The following KCNH5 variants were observed in gnomAD, a reference collection of about 807,000 sequenced individuals.
The protein encoded by KCNH5 is voltage-gated delayed rectifier potassium channel KCNH5.
In KCNH5, 46 loss-of-function variants were observed where a neutral mutation model predicts 96.1. The ratio of observed to expected loss-of-function variants is 0.48; its 90% CI spans 0.38 to 0.61. KCNH5 has a LOEUF of 0.61. Ranked by LOEUF, KCNH5 falls within the 20% of genes least tolerant of loss-of-function variation. The pLI is 0.00. For synonymous variants in KCNH5, 439 were observed against 449.8 expected (o/e 0.98, Z 0.30); for missense variants, 907 against 1,225.8 (o/e 0.74, Z 3.88).
chr14:62,975,638 G>C (rs545514232), intron 6 of KCNH5, among the ~76,000 whole-genome samples: 18 of 152,182 alleles, frequency 1.2e-4, no homozygotes, highest in African/African-American at 4.3e-4. Flanking sequence ...GTCAAACACT[G>C]ATGTTAAAAA....
At chr14:62,772,763 A>T (rs1886017991) in intron 10 of KCNH5, among the ~76,000 whole-genome samples, 1 of 152,110 alleles carries the variant, frequency 6.6e-6, no homozygotes, top group Admixed American at 6.6e-5. Context: ...ATGCAGTATT[A>T]TCAGCAAGAC....
At chr14:62,715,156 T>C (rs150266242) in intron 10 of KCNH5, among the ~76,000 whole-genome samples, 1 of 152,242 alleles carries the variant, frequency 6.6e-6, no homozygotes, top group African/African-American at 2.4e-5. Context: ...AAAAGTGATA[T>C]CAAAATTGAA....
Position 62,704,550 on chromosome 14 carries a change from T to G in KCNH5, c.*2958A>C, listed in dbSNP as rs1036930805. On this transcript the variant is annotated 3_prime_UTR_variant, in exon 11 of 11. Transcript: ENST00000322893. ...TTCTAATTTGACTTTTGCTATTTTG[T>G]TACAACCACCTGTCGAGGATACAGC... The G allele has an allele frequency of 2.6e-5, 4 of 151,980 alleles. No homozygotes were observed. The highest frequency in any genetic ancestry group is 2.0e-4 in the Admixed American group (3 of 15,240). 9.4% of individuals were successfully genotyped at this position (151,980 alleles called of 1,614,324 possible). A position where few individuals can be genotyped will look rare whatever the true frequency, so the allele number is the denominator to read the frequency against.
At chr14:62,883,228 G>T (rs1301405917) in intron 7 of KCNH5, among the ~76,000 whole-genome samples, 5 of 152,152 alleles carry the variant, frequency 3.3e-5, no homozygotes, top group Admixed American at 3.3e-4. Flanking sequence ...AACTTTTTGA[G>T]TAAGAATTGG....
intron 7 of KCNH5, among the ~76,000 whole-genome samples, chr14:62,945,255 C>T (rs1453532560): frequency 2.6e-5 from 4 of 151,964 alleles, no homozygotes; most frequent in African/African-American, 4.8e-5. Flanking sequence ...ATCGATAGGC[C>T]GATAAGACAC....
chr14:62,873,016 G>T (rs1318670708), intron 7 of KCNH5, among the ~76,000 whole-genome samples: 1 of 152,010 alleles, frequency 6.6e-6, no homozygotes, highest in Non-Finnish European at 1.5e-5. Context: ...CAGGTGTGGT[G>T]GCGGGCGCCT....
intron 7 of KCNH5, among the ~76,000 whole-genome samples, chr14:62,880,489 C>A (rs1445738711): frequency 6.6e-6 from 1 of 152,138 alleles, no homozygotes; most frequent in Admixed American, 6.5e-5. Flanking sequence ...ATGAGAAATT[C>A]TTTGATGTCA....
intron 7 of KCNH5, among the ~76,000 whole-genome samples, chr14:62,932,617 G>C (rs913935421): frequency 1.6e-4 from 24 of 152,064 alleles, no homozygotes; most frequent in Non-Finnish European, 2.6e-4. Context: ...TGAAAAATAG[G>C]CATTTCCAAA....
intron 7 of KCNH5, among the ~76,000 whole-genome samples, chr14:62,937,796 G>A (rs1889713400): frequency 1.3e-5 from 2 of 152,224 alleles, no homozygotes; most frequent in Non-Finnish European, 2.9e-5. Context: ...TCCAGATGGA[G>A]TTGTTAAGGC....
chr14:63,042,974 CA>C (rs1465784765), intron 1 of KCNH5, among the ~76,000 whole-genome samples: 4 of 152,036 alleles, frequency 2.6e-5, no homozygotes, highest in African/African-American at 9.7e-5. Context: ...AGTGCCAAAA[CA>C]GATAAATTTT....
intron 8 of KCNH5, among the ~76,000 whole-genome samples, chr14:62,829,358 GC>G (rs1344792711): frequency 1.3e-5 from 2 of 152,160 alleles, no homozygotes; most frequent in Non-Finnish European, 2.9e-5. Context: ...CCTCTGCACT[GC>G]CCTAGCAGAG....
At chr14:62,819,994 T>C (rs1887082312) in intron 8 of KCNH5, among the ~76,000 whole-genome samples, 1 of 152,226 alleles carries the variant, frequency 6.6e-6, no homozygotes, top group Non-Finnish European at 1.5e-5. Context: ...GGGCCTGGTA[T>C]AGAGTGTCTA....
At chr14:62,961,309 C>A (rs1453033965) in intron 6 of KCNH5, among the ~76,000 whole-genome samples, 2 of 152,124 alleles carry the variant, frequency 1.3e-5, no homozygotes, top group African/African-American at 2.4e-5. Context: ...AAAATATATT[C>A]TTTCTCACCT....
intron 7 of KCNH5, among the ~76,000 whole-genome samples, chr14:62,905,837 A>G (rs1889016707): frequency 6.6e-6 from 1 of 152,212 alleles, no homozygotes; most frequent in Non-Finnish European, 1.5e-5. Context: ...ATGATAAAAG[A>G]GCAACGTGTT....
At chr14:63,033,676 C>A (rs1891670328) in intron 1 of KCNH5, among the ~76,000 whole-genome samples, 3 of 152,110 alleles carry the variant, frequency 2.0e-5, no homozygotes, top group East Asian at 3.9e-4. Flanking sequence ...ATGAATATAT[C>A]AAATAAAAAA....
intron 8 of KCNH5, among the ~76,000 whole-genome samples, chr14:62,842,736 A>G (rs976651872): frequency 6.6e-6 from 1 of 152,178 alleles, no homozygotes; most frequent in Non-Finnish European, 1.5e-5. Flanking sequence ...TTAAGGTAGT[A>G]TATGTTCTAT....
intron 7 of KCNH5, among the ~76,000 whole-genome samples, chr14:62,867,605 G>C (rs908049658): frequency 7.2e-5 from 11 of 152,084 alleles, no homozygotes; most frequent in Non-Finnish European, 1.6e-4. Flanking sequence ...TCTCAACACA[G>C]CAGCTAGTAC....
At chr14:62,853,494 A>ATATATATCATATATATATATATATATAT (rs375695583) in intron 7 of KCNH5, among the ~76,000 whole-genome samples, 1 of 102,122 alleles carries the variant, frequency 9.8e-6, no homozygotes, top group African/African-American at 3.5e-5. Flanking sequence ...ATATATATAT[A>ATATATATCATATATATATATATATATAT]ATCTTGGCCA....
At chr14:62,748,497 C>T (rs1328905354) in intron 10 of KCNH5, among the ~76,000 whole-genome samples, 2 of 152,100 alleles carry the variant, frequency 1.3e-5, no homozygotes, top group Non-Finnish European at 1.5e-5. Flanking sequence ...CAAGTCATGG[C>T]CCCATTTTCC....
Sources: allele counts gnomAD v4.1 joint callset (sites outside exome capture counted in the v4.1 genomes callset), GRCh38; gene constraint gnomAD v4.1.1; transcripts MANE v1.5; gene names NCBI Gene and HGNC (gene_info 2026-07-23, HGNC 2026-07-21).